Variants in LARP1 observed in about 807,000 individuals in gnomAD.
LARP1 encodes the protein la-related protein 1.
Under a neutral mutation model 122.7 loss-of-function variants are expected in LARP1, and 36 were observed. The ratio of observed to expected loss-of-function variants is 0.29; its 90% confidence interval spans 0.22 to 0.39. The LOEUF is 0.39. Ranked by LOEUF, LARP1 falls within the 10% of genes least tolerant of loss-of-function variation. The probability of loss-of-function intolerance (pLI) is 1.00; values close to 1 mark genes in which losing one functional copy is unlikely to be tolerated. For missense variants in LARP1, 1,040 were observed against 1,403.6 expected, an observed-to-expected ratio of 0.74 and a Z score of 4.14; for synonymous variants, 539 against 528.7, an observed-to-expected ratio of 1.02 and a Z score of -0.27.
At chr5:154,805,785 G>A in intron 14 of LARP1, 96 bp from the exon 15 acceptor site, 2 of 1,318,596 alleles carry the variant, frequency 1.5e-6, no homozygotes, top group Non-Finnish European at 2.1e-6. Flanking sequence ...GTGAGAGGAT[G>A]GATCTTGGCT....
intron 1 of LARP1, among the ~76,000 whole-genome samples, chr5:154,714,473 C>T (rs1276675797): frequency 1.3e-5 from 2 of 152,134 alleles, no homozygotes; most frequent in African/African-American, 4.8e-5. Context: ...GGGATGGGAA[C>T]CCAGTCCTGG....
intron 1 of LARP1, among the ~76,000 whole-genome samples, chr5:154,758,327 C>T (rs996736026): frequency 6.6e-6 from 1 of 152,172 alleles, no homozygotes; most frequent in African/African-American, 2.4e-5. Context: ...AAGCAAAATT[C>T]TGAGTAAGGG....
intron 1 of LARP1, among the ~76,000 whole-genome samples, chr5:154,742,382 C>G (rs770797278): frequency 1.3e-5 from 2 of 152,156 alleles, no homozygotes; most frequent in South Asian, 2.1e-4. Flanking sequence ...GCCAACATGG[C>G]GAAACCCCAT....
At position 154,755,878 on chromosome 5, in the gene LARP1, C is replaced by A. The variant is rs1400852141; in HGVS notation, c.121C>A (p.Pro41Thr). Residue 41 changes from proline (P) to threonine (T), a missense_variant, in exon 1 of 19, where the codon CCA becomes ACA. Coordinates refer to ENST00000518297, the MANE Select transcript of LARP1 (RefSeq NM_033551.3). ...PAPEGKGEPG[P>T]NDVRGGEPDG... ...GCCCGAGGGCAAGGGCGAGCCCGGGCCAAACGACGTCCGCGGGGGGGAGCC... is the reference window on the plus strand; with the variant it reads ...GCCCGAGGGCAAGGGCGAGCCCGGGACAAACGACGTCCGCGGGGGGGAGCC... 9.9e-7 allele frequency: 1 copy of A among 1,014,096 alleles called. No homozygotes were observed. The highest frequency in any genetic ancestry group is 3.4e-5 in the South Asian group (1 of 29,214). 62.8% of individuals were successfully genotyped at this position (1,014,096 alleles called of 1,614,324 possible). A position where few individuals can be genotyped will look rare whatever the true frequency, so the allele number is the denominator to read the frequency against.
intron 1 of LARP1, among the ~76,000 whole-genome samples, chr5:154,744,899 A>T (rs1488706479): frequency 1.8e-5 from 2 of 112,990 alleles, no homozygotes; most frequent in Non-Finnish European, 3.5e-5. Flanking sequence ...GGCCTCCCAA[A>T]GTGCTGGGAT....
chr5:154,782,674 A>G (rs1288135089), intron 1 of LARP1, among the ~76,000 whole-genome samples: 3 of 152,142 alleles, frequency 2.0e-5, no homozygotes, highest in Admixed American at 2.0e-4. Context: ...TCTGACCTGA[A>G]CATTTCTCTC....
chr5:154,802,271 C>T lies in LARP1; in HGVS notation c.1981C>T (p.Arg661Cys), dbSNP rs1423795935. Residue 661 changes from arginine (R) to cysteine (C), a missense_variant, in exon 11 of 19, where the codon CGC becomes TGC. Arg to Cys is a radical substitution (Grantham distance 180). This residue lies in a region of LARP1 where 362 missense variants were observed against 533.1 expected (regional missense o/e 0.68). Coordinates refer to ENST00000518297, the MANE Select transcript of LARP1 (RefSeq NM_033551.3). This position sits in a 1 kb window ranked among gnomAD's most constrained non-coding sequence, Gnocchi z 5.1. Reference protein sequence around the residue: ...HYMRRHPGGDRTGNHTSRAKM... With the variant: ...HYMRRHPGGDCTGNHTSRAKM... ...CATGCGCCGGCACCCAGGGGGGGAC[C>T]GCACAGGCAACCACACCTCGCGTGC... 1.2e-6 allele frequency: 2 copies of T among 1,614,146 alleles called. No homozygotes were observed. The highest frequency in any genetic ancestry group is 1.7e-6 in the Non-Finnish European group (2 of 1,180,030).
intron 18 of LARP1, among the ~76,000 whole-genome samples, 191 bp from the exon 19 acceptor site, chr5:154,813,694 TGA>T (rs1759466018): frequency 6.6e-6 from 1 of 152,172 alleles, no homozygotes. Context: ...GCTGACCCCA[TGA>T]GAGAGTGTGC....
Position 154,788,744 on chromosome 5 carries a change from A to T in LARP1, c.437-1581A>T, listed in dbSNP as rs573132017. On this transcript the variant is annotated intron_variant, in intron 1 of 18. Coordinates refer to ENST00000518297, the MANE Select transcript of LARP1 (RefSeq NM_033551.3). The stretch of plus-strand genomic sequence containing the variant: ...CTGGACCTACTAGAACAACTTCCTT[A>T]AAAAAAAAAAAAATTAAGACATTTG... Among the ~76,000 whole-genome samples, 35 of 139,456 alleles carry T rather than the reference A, an allele frequency of 2.5e-4. No homozygotes were observed. In the East Asian group the frequency reaches 5.6e-3, roughly 22 times the overall value. 91.5% of individuals were successfully genotyped at this position (139,456 alleles called of 152,430 possible). A position where few individuals can be genotyped will look rare whatever the true frequency, so the allele number is the denominator to read the frequency against.
intron 15 of LARP1, among the ~76,000 whole-genome samples, chr5:154,806,615 G>C (rs1327489457): frequency 2.6e-5 from 4 of 152,220 alleles, no homozygotes; most frequent in Admixed American, 6.5e-5. Context: ...GAACGAGCCT[G>C]TCTAGATGCT....
chr5:154,692,351 G>A (rs527767629), intron 1 of LARP1, among the ~76,000 whole-genome samples: 17 of 152,242 alleles, frequency 1.1e-4, no homozygotes, highest in Middle Eastern at 3.4e-3. Context: ...TAAAATGGGG[G>A]TGGCAGCACA....
intron 1 of LARP1, among the ~76,000 whole-genome samples, chr5:154,693,570 T>C (rs1754322242): frequency 6.6e-6 from 1 of 152,094 alleles, no homozygotes; most frequent in Admixed American, 6.6e-5. Context: ...AAAGTTCTTT[T>C]CTCGACTGGG....
intron 10 of LARP1, 104 bp from the exon 11 acceptor site, chr5:154,801,903 A>C: frequency 1.9e-6 from 2 of 1,072,200 alleles, no homozygotes; most frequent in Non-Finnish European, 2.7e-6. Context: ...ATAGTTGAAC[A>C]GTCTTATGTT....
rs151281976 is a variant in LARP1, at chr5:154,745,794, GT to G, written c.205+32681del. On this transcript the variant is annotated intron_variant, in intron 1 of 18. Transcript: ENST00000336314. ...GGCAAAGCTGGGCCTAAACCCAACT[GT>G]TTTTTTTTTTTTTTTTCTTGAGACG... Among the ~76,000 whole-genome samples the G allele has an allele frequency of 5.0e-3, 685 of 136,084 alleles. 3 individuals carry two copies. The highest frequency in any genetic ancestry group is 0.028 in the East Asian group (134 of 4,712). 89.3% of individuals were successfully genotyped at this position (136,084 alleles called of 152,430 possible). A position where few individuals can be genotyped will look rare whatever the true frequency, so the allele number is the denominator to read the frequency against.
intron 3 of LARP1, 90 bp downstream of exon 3, chr5:154,790,800 C>A: frequency 2.7e-6 from 3 of 1,131,388 alleles, no homozygotes; most frequent in Non-Finnish European, 4.0e-6. Context: ...TCAGCTCTTA[C>A]CTTTCTCAGT....
chr5:154,783,639 C>T (rs1756636564), intron 1 of LARP1, among the ~76,000 whole-genome samples: 1 of 152,150 alleles, frequency 6.6e-6, no homozygotes, highest in Non-Finnish European at 1.5e-5. Context: ...AATAACCTTT[C>T]CACCATGTGT....
intron 1 of LARP1, among the ~76,000 whole-genome samples, chr5:154,727,874 C>T (rs957661669): frequency 6.6e-6 from 1 of 152,086 alleles, no homozygotes; most frequent in Admixed American, 6.6e-5. Context: ...TTGAGACCAG[C>T]CTGACCAACA....
At chr5:154,751,627 T>A (rs986314177), upstream of LARP1, among the ~76,000 whole-genome samples, 14 of 152,210 alleles carry the variant, frequency 9.2e-5, no homozygotes, top group African/African-American at 2.9e-4. Context: ...GATGTTTCAG[T>A]TACCTGTGGC....
chr5:154,810,223 G>A (rs941541513), intron 16 of LARP1, among the ~76,000 whole-genome samples: 3 of 151,650 alleles, frequency 2.0e-5, no homozygotes, highest in African/African-American at 2.4e-5. Context: ...ATCACTTGAG[G>A]TCAGGAGTTT....
Sources: gnomAD v4.1 joint callset for allele counts (sites outside exome capture counted in the v4.1 genomes callset) on GRCh38, gnomAD v4.1.1 for gene constraint, gnomAD v4.1.1 regional missense constraint, Gnocchi (gnomAD v3.1) non-coding constraint, MANE v1.5 for transcripts, NCBI Gene and HGNC (gene_info 2026-07-23, HGNC 2026-07-21) for gene names.